Variants in CMPK1 observed in about 807,000 individuals in gnomAD.
CMPK1 encodes the protein cytidine/uridine monophosphate kinase 1.
Under a neutral mutation model 25.7 loss-of-function variants are expected in CMPK1, and 10 were observed. The ratio of observed to expected loss-of-function variants is 0.39; its 90% CI spans 0.24 to 0.66. The LOEUF (loss-of-function observed/expected upper bound fraction) is 0.66. Among genes scored for constraint, CMPK1 ranks in the 30% least tolerant of loss-of-function variants. The pLI, the probability that CMPK1 is intolerant of heterozygous loss-of-function variation, is 0.48. For synonymous variants in CMPK1, 106 were observed against 101.5 expected (o/e 1.04, Z -0.27); for missense variants, 199 against 280.5 (o/e 0.71, Z 2.08).
intron 2 of CMPK1, among the ~76,000 whole-genome samples, chr1:47,369,652 C>T (rs947667441): frequency 6.6e-6 from 1 of 151,558 alleles, no homozygotes; most frequent in Non-Finnish European, 1.5e-5. Context: ...ACCTCTGCCT[C>T]CCGGGTTCAA....
At chr1:47,369,909 CTTT>C (rs60145419) in intron 2 of CMPK1, among the ~76,000 whole-genome samples, 12 of 93,684 alleles carry the variant, frequency 1.3e-4, no homozygotes, top group Admixed American at 1.4e-4. Context: ...CTTTCTCTCT[CTTT>C]TTTTTTTTTT....
chr1:47,350,690 C>T (rs1243344428), intron 1 of CMPK1, among the ~76,000 whole-genome samples: 3 of 151,822 alleles, frequency 2.0e-5, no homozygotes, highest in Non-Finnish European at 4.4e-5. Context: ...GTCAGGAGTT[C>T]GAGACCAGCC....
chr1:47,335,779 G>C (rs1482550809), intron 1 of CMPK1, among the ~76,000 whole-genome samples: 1 of 148,842 alleles, frequency 6.7e-6, no homozygotes. Context: ...TTTTGTTTTT[G>C]TTTTTGTGAC....
chr1:47,375,027 CT>C, intron 4 of CMPK1, 42 bp downstream of exon 4: 1 of 1,476,528 alleles, frequency 6.8e-7, no homozygotes, highest in Middle Eastern at 1.7e-4. Context: ...AATCCCAGAC[CT>C]GCCTTATTTG....
intron 1 of CMPK1, among the ~76,000 whole-genome samples, chr1:47,350,105 C>CTTA (rs1241606915): frequency 6.6e-6 from 1 of 152,100 alleles, no homozygotes; most frequent in East Asian, 1.9e-4. Flanking sequence ...CTTGCTCAGC[C>CTTA]TTATTATTAT....
chr1:47,334,277 G>T, intron 1 of CMPK1, among the ~76,000 whole-genome samples, 161 bp downstream of exon 1: 1 of 151,676 alleles, frequency 6.6e-6, no homozygotes, highest in East Asian at 2.0e-4. Flanking sequence ...GGCCGCCGGC[G>T]CGCGGCGTGC....
intron 1 of CMPK1, among the ~76,000 whole-genome samples, chr1:47,345,936 G>A (rs982412696): frequency 1.3e-5 from 2 of 151,288 alleles, no homozygotes; most frequent in Admixed American, 1.3e-4. Context: ...TGTATTTTTG[G>A]TAGAGATGGG....
intron 1 of CMPK1, among the ~76,000 whole-genome samples, chr1:47,336,471 T>C (rs1022925402): frequency 1.3e-5 from 2 of 152,202 alleles, no homozygotes; most frequent in African/African-American, 4.8e-5. Context: ...TTATTACCTC[T>C]ACTTTAAACT....
chr1:47,358,307 C>A, intron 1 of CMPK1: 1 of 612,338 alleles, frequency 1.6e-6, no homozygotes, highest in Non-Finnish European at 2.7e-6. Flanking sequence ...GGGATGACAT[C>A]TTGCTATGGT....
intron 1 of CMPK1, among the ~76,000 whole-genome samples, chr1:47,349,684 T>C (rs983191949): frequency 3.9e-5 from 6 of 152,328 alleles, no homozygotes; most frequent in Admixed American, 2.0e-4. Context: ...AACAGTTGCT[T>C]GTGTGTATTT....
intron 1 of CMPK1, chr1:47,358,912 C>A (rs1192011112): frequency 1.1e-4 from 104 of 985,234 alleles, no homozygotes; most frequent in Non-Finnish European, 1.2e-4. Context: ...TGAAGAGGAT[C>A]TTTACATGTT....
chr1:47,351,962 CCT>C (rs1328981164), intron 1 of CMPK1, among the ~76,000 whole-genome samples: 4 of 151,922 alleles, frequency 2.6e-5, no homozygotes, highest in African/African-American at 4.8e-5. Context: ...GTAGTGAAAC[CCT>C]GTCTCTACTA....
intron 1 of CMPK1, among the ~76,000 whole-genome samples, chr1:47,339,010 T>C (rs1646420032): frequency 6.6e-6 from 1 of 151,842 alleles, no homozygotes; most frequent in South Asian, 2.1e-4. Context: ...CTAAAGCTTA[T>C]AACCATGCCA....
chr1:47,334,314 C>A (rs1646379779), intron 1 of CMPK1, among the ~76,000 whole-genome samples, 198 bp downstream of exon 1: 1 of 152,018 alleles, frequency 6.6e-6, no homozygotes, highest in African/African-American at 2.4e-5. Flanking sequence ...CGCCCGCCCG[C>A]CTTGGGGGCC....
At chr1:47,344,719 G>A (rs1001496860) in intron 1 of CMPK1, among the ~76,000 whole-genome samples, 5 of 151,576 alleles carry the variant, frequency 3.3e-5, no homozygotes, top group Admixed American at 3.3e-4. Flanking sequence ...GGCTGGTCTC[G>A]AACTCCTGAC....
chr1:47,356,116 C>T (rs968168810), intron 1 of CMPK1, among the ~76,000 whole-genome samples: 3 of 152,032 alleles, frequency 2.0e-5, no homozygotes, highest in South Asian at 2.1e-4. Context: ...GTTTATTTTC[C>T]TCTAGTACTG....
chr1:47,333,989 T>A lies in CMPK1; in HGVS notation c.44T>A (p.Leu15His). 2 of 1,535,826 alleles carry A rather than the reference T, an allele frequency of 1.3e-6. No homozygotes were observed. The highest frequency in any genetic ancestry group is 2.6e-5 in the East Asian group (1 of 38,746). ...AGCGGGCTGCTCCACGTCCTGGGCC[T>A]TAGCTTCCTGCTGCAGACCCGCCGG... is the stretch of plus-strand genomic sequence containing the variant. ...CRSGLLHVLG[L>H]SFLLQTRRPI... The change falls in exon 1 of 6, where the codon CTT becomes CAT. Residue 15 changes from leucine (L) to histidine (H), a missense_variant. Physicochemically the swap from Leu to His is moderately conservative, Grantham distance 99. This residue lies in a region of CMPK1 where 59 missense variants were observed against 45.1 expected (regional missense o/e 1.31). Coordinates refer to ENST00000371873, the MANE Select transcript of CMPK1 (RefSeq NM_016308.3).
chr1:47,365,424 A>G (rs1361203207), intron 1 of CMPK1, among the ~76,000 whole-genome samples: 3 of 152,048 alleles, frequency 2.0e-5, no homozygotes, highest in Non-Finnish European at 4.4e-5. Context: ...GCTTGAGCCC[A>G]GGAGTTTGAG....
chr1:47,338,044 T>A (rs1352207963), intron 1 of CMPK1, among the ~76,000 whole-genome samples: 1 of 152,118 alleles, frequency 6.6e-6, no homozygotes, highest in Non-Finnish European at 1.5e-5. Flanking sequence ...TTGGAGGTTT[T>A]TTTCCTGTAG....
Sources: gnomAD v4.1 joint callset for allele counts (sites outside exome capture counted in the v4.1 genomes callset) on GRCh38, gnomAD v4.1.1 for gene constraint, gnomAD v4.1.1 regional missense constraint, MANE v1.5 for transcripts, NCBI Gene and HGNC (gene_info 2026-07-23, HGNC 2026-07-21) for gene names.